The following MYO9B variants were observed in gnomAD, a reference collection of about 807,000 sequenced individuals.
MYO9B encodes the protein unconventional myosin-IXb.
A neutral mutation model predicts 229.5 loss-of-function variants in MYO9B; 71 were observed. That is an observed-to-expected ratio of 0.31 (90% confidence interval 0.26 to 0.38). The LOEUF is 0.38. Among genes scored for constraint, MYO9B ranks in the 10% least tolerant of loss-of-function variants. The pLI is 1.00. For missense variants in MYO9B, 2,255 were observed against 2,920.5 expected (o/e 0.77, Z 5.25); for synonymous variants, 1,185 against 1,235.8 (o/e 0.96, Z 0.86).
At chr19:17,098,982 A>G (rs1194630807) in intron 1 of MYO9B, among the ~76,000 whole-genome samples, 5 of 105,762 alleles carry the variant, frequency 4.7e-5, no homozygotes, top group Admixed American at 3.7e-4. Context: ...CTCTTAGGAA[A>G]AAAAAAAAAA....
At chr19:17,133,188 T>C (rs2072224227) in intron 2 of MYO9B, among the ~76,000 whole-genome samples, 1 of 152,214 alleles carries the variant, frequency 6.6e-6, no homozygotes, top group Non-Finnish European at 1.5e-5. Context: ...ATTCATGATG[T>C]GCAACATGAC....
At chr19:17,192,283 CA>C (rs35803676) in intron 20 of MYO9B, among the ~76,000 whole-genome samples, 78,451 of 124,506 alleles carry the variant, frequency 0.63, 23,014 homozygotes, top group East Asian at 0.78. Flanking sequence ...GACTCCATCT[CA>C]AAAAAAAAAA....
At chr19:17,107,400 C>T (rs1362175685) in intron 2 of MYO9B, among the ~76,000 whole-genome samples, 1 of 152,218 alleles carries the variant, frequency 6.6e-6, no homozygotes, top group South Asian at 2.1e-4. Flanking sequence ...GGCCAGGAGG[C>T]AGGATTGCCA....
At position 17,210,984 on chromosome 19, in the gene MYO9B, T is replaced by C. The variant is rs1205049368; in HGVS notation, c.5930+136T>C. On this transcript the variant is annotated intron_variant, in intron 38 of 39. Transcript: ENST00000682292. ...AACACTGGGCAAACAACACTTTTTT[T>C]TTTTTTTTTTTTTTTTTTGAGACGG... 2.9e-3 allele frequency: 2,606 copies of C among 910,354 alleles called. 2 individuals are homozygous for C. The highest frequency in any genetic ancestry group is 4.3e-3 in the Middle Eastern group (12 of 2,822). The allele number at this position is 910,354 out of a possible 1,614,324, so 56.4% of individuals were successfully genotyped here.
At chr19:17,162,752 G>A (rs889692812) in intron 9 of MYO9B, among the ~76,000 whole-genome samples, 1 of 152,114 alleles carries the variant, frequency 6.6e-6, no homozygotes, top group Non-Finnish European at 1.5e-5. Context: ...GAGCCCAGGA[G>A]GTCAAGGCTG....
chr19:17,179,047 A>C (rs2072824217), intron 14 of MYO9B, among the ~76,000 whole-genome samples: 1 of 151,326 alleles, frequency 6.6e-6, no homozygotes, highest in Admixed American at 6.6e-5. Flanking sequence ...AAAAAAAAAA[A>C]ACTAGGGTTT....
At chr19:17,201,134 T>C (rs1414175521) in intron 26 of MYO9B, among the ~76,000 whole-genome samples, 1 of 152,116 alleles carries the variant, frequency 6.6e-6, no homozygotes, top group Admixed American at 6.5e-5. Context: ...TCCTGGGGGC[T>C]GAGGCAGGAA....
rs1377131351 is a variant in MYO9B at position 17,096,744 on chromosome 19, C to T, written c.-58-4916C>T. Among the ~76,000 whole-genome samples, 6 of 135,344 alleles carry T rather than the reference C, an allele frequency of 4.4e-5. No individual in the cohort carries two copies. The South Asian group carries it at 7.5e-4, about 17-fold the overall frequency. The allele number at this position is 135,344 out of a possible 152,430, so 88.8% of individuals were successfully genotyped here. A position where few individuals can be genotyped will look rare whatever the true frequency, so the allele number is the denominator to read the frequency against. On this transcript the variant is annotated intron_variant, in intron 1 of 39. Coordinates refer to ENST00000682292, the MANE Select transcript of MYO9B (RefSeq NM_004145.4). ...TTTTGGAGACGGAGTCTCGCTCTGT[C>T]GCCCAGGCTGGAGTGCAGTGGCATG... is the stretch of plus-strand genomic sequence containing the variant.
intron 2 of MYO9B, among the ~76,000 whole-genome samples, chr19:17,102,777 C>T (rs2057757880): frequency 6.6e-6 from 1 of 151,160 alleles, no homozygotes; most frequent in Non-Finnish European, 1.5e-5. Context: ...CATAGTAGTG[C>T]TCACCTGTAG....
rs765312725 is a variant in MYO9B at position 17,212,166 on chromosome 19, G to C, written c.6330G>C (p.Val2110=). 1.0e-5 allele frequency: 16 copies of C among 1,584,204 alleles called. No individual in the cohort carries two copies. Among genetic ancestry groups the C allele is most frequent in the Non-Finnish European group, 1.0e-5 (12 of 1,166,532 alleles). ...GCCGCCCGGACCAGATACATTCCGT[G>C]TACATCACGCCCGGGGCAGACCTGC... The part of the protein sequence containing the change: ...PARRPDQIHS[V]YITPGADLPV... Residue 2110 remains valine (V), a synonymous_variant, in exon 40 of 40, where the codon GTG becomes GTC. Transcript: ENST00000682292. The surrounding 1 kb of genome is among the most constrained non-coding windows in gnomAD (Gnocchi z 5.4).
intron 14 of MYO9B, among the ~76,000 whole-genome samples, chr19:17,176,840 T>C (rs550671244): frequency 6.6e-6 from 1 of 152,286 alleles, no homozygotes; most frequent in Non-Finnish European, 1.5e-5. Flanking sequence ...ACGGGGTCTT[T>C]TGTGGACCCT....
In MYO9B at chr19:17,096,439, G is replaced by A. The variant is rs140864514; in HGVS notation, c.-58-5221G>A. Reference sequence around the variant, plus strand: ...CCCAGGACTTTGGGAGGTCAAGGCAGGTGGAGTTCCAGACCAGCCTGGGCA... The same window carrying A: ...CCCAGGACTTTGGGAGGTCAAGGCAAGTGGAGTTCCAGACCAGCCTGGGCA... On this transcript the variant is annotated intron_variant, in intron 1 of 39. Transcript: ENST00000682292. Among the ~76,000 whole-genome samples the A allele has an allele frequency of 1.4e-3, 216 of 152,108 alleles. 1 individual carries two copies. Among genetic ancestry groups the A allele is most frequent in the Non-Finnish European group, 4.6e-4 (31 of 67,966 alleles).
At chr19:17,184,510 C>CT in intron 16 of MYO9B, 1 of 213,264 alleles carries the variant, frequency 4.7e-6, no homozygotes, top group Non-Finnish European at 9.5e-6. Context: ...GGACCTGGCC[C>CT]TTCTTGACTC....
At chr19:17,100,914 A>G (rs146025099) in intron 1 of MYO9B, among the ~76,000 whole-genome samples, 1 of 151,468 alleles carries the variant, frequency 6.6e-6, no homozygotes, top group Admixed American at 6.6e-5. Flanking sequence ...TCATCCCCAC[A>G]TGCCTCTCGC....
chr19:17,160,853 C>G (rs941239099), intron 8 of MYO9B, among the ~76,000 whole-genome samples: 1 of 152,174 alleles, frequency 6.6e-6, no homozygotes, highest in Non-Finnish European at 1.5e-5. Context: ...GCATGTGCCA[C>G]CACGCCCGGC....
chr19:17,174,022 C>CTT (rs11313520), intron 13 of MYO9B, among the ~76,000 whole-genome samples: 22 of 64,776 alleles, frequency 3.4e-4, no homozygotes, highest in South Asian at 1.4e-3. Flanking sequence ...TGATGAGCTG[C>CTT]TTTTTTTTTT....
intron 23 of MYO9B, 127 bp from the exon 24 acceptor site, chr19:17,198,057 C>G: frequency 7.1e-7 from 1 of 1,415,636 alleles, no homozygotes; most frequent in Non-Finnish European, 9.4e-7. Flanking sequence ...AGTGAGACTC[C>G]GTTTCAAAAA....
chr19:17,145,031 A>C (rs1454063777), intron 2 of MYO9B, among the ~76,000 whole-genome samples: 1 of 151,748 alleles, frequency 6.6e-6, no homozygotes, highest in Admixed American at 6.6e-5. Flanking sequence ...TGACTCATGC[A>C]CTTTGGGAGG....
At chr19:17,138,899 C>T (rs1439556581) in intron 2 of MYO9B, among the ~76,000 whole-genome samples, 3 of 152,100 alleles carry the variant, frequency 2.0e-5, no homozygotes, top group African/African-American at 7.2e-5. Context: ...TGGCCAGGTG[C>T]GGTGGCTCAC....
Sources: gnomAD v4.1 joint callset for allele counts (sites outside exome capture counted in the v4.1 genomes callset) on GRCh38, gnomAD v4.1.1 for gene constraint, Gnocchi (gnomAD v3.1) non-coding constraint, MANE v1.5 for transcripts, NCBI Gene and HGNC (gene_info 2026-07-23, HGNC 2026-07-21) for gene names.